The following SHF variants were observed in gnomAD, a reference collection of about 807,000 sequenced individuals.
SHF encodes SH2 domain-containing adapter protein F.
Under a neutral mutation model 42.4 loss-of-function variants are expected in SHF, and 30 were observed. The ratio of observed to expected loss-of-function variants is 0.71; its 90% CI spans 0.53 to 0.96. The LOEUF is 0.96. SHF is among the 40% of genes least tolerant of loss of function. The pLI, the probability that SHF is intolerant of heterozygous loss-of-function variation, is 0.00. For missense variants in SHF, 598 were observed against 634.0 expected (o/e 0.94, Z 0.61); for synonymous variants, 264 against 269.9 (o/e 0.98, Z 0.21).
intron 4 of SHF, 44 bp downstream of exon 4, chr15:45,173,532 G>A: frequency 6.9e-7 from 1 of 1,449,874 alleles, no homozygotes; most frequent in Non-Finnish European, 9.1e-7. Flanking sequence ...GGGCCTGGAG[G>A]GGTGAGGACA....
At chr15:45,194,874 G>A (rs1001012119) in intron 2 of SHF, among the ~76,000 whole-genome samples, 6 of 152,090 alleles carry the variant, frequency 3.9e-5, no homozygotes, top group African/African-American at 1.4e-4. Flanking sequence ...CTGTCTTCCA[G>A]GCTGAGTACA....
chr15:45,197,683 C>T (rs1243399655), intron 2 of SHF, among the ~76,000 whole-genome samples: 1 of 152,166 alleles, frequency 6.6e-6, no homozygotes, highest in East Asian at 1.9e-4. Context: ...AGCCTGGAGT[C>T]AGGGCCTGGG....
At chr15:45,189,192 CAAAA>C (rs1166122506), upstream of SHF, among the ~76,000 whole-genome samples, 1 of 58,554 alleles carries the variant, frequency 1.7e-5, no homozygotes, top group Non-Finnish European at 3.4e-5. Context: ...GACTCCGTCT[CAAAA>C]AAAAAAAAAA....
chr15:45,187,995 G>C, upstream of SHF: 1 of 658,744 alleles, frequency 1.5e-6, no homozygotes, highest in Non-Finnish European at 2.1e-6. Flanking sequence ...GGCGGGTGGG[G>C]GGCGGGGGCG....
At chr15:45,169,053 T>C (rs1457812425) in intron 6 of SHF, among the ~76,000 whole-genome samples, 1 of 152,180 alleles carries the variant, frequency 6.6e-6, no homozygotes, top group Non-Finnish European at 1.5e-5. Flanking sequence ...GAGGAATGTT[T>C]TGGGGAGCCC....
intron 2 of SHF, chr15:45,198,626 C>T (rs1898954886): frequency 1.5e-5 from 15 of 1,020,230 alleles, no homozygotes; most frequent in South Asian, 4.4e-5. Context: ...CGGATTCGAA[C>T]CGAGGTTGCT....
chr15:45,189,747 G>GA (rs1898657636), upstream of SHF, among the ~76,000 whole-genome samples: 1 of 131,582 alleles, frequency 7.6e-6, no homozygotes, highest in African/African-American at 2.5e-5. Context: ...GGAGTTCAAA[G>GA]CGGGGGGTGT....
At position 45,171,864 on chromosome 15, in the gene SHF, C is replaced by A; in HGVS notation, c.1280+19G>T. On this transcript the variant is annotated intron_variant, in intron 6 of 6. Coordinates refer to ENST00000690270, the MANE Select transcript of SHF (RefSeq NM_001394037.1). Reference sequence around the variant, plus strand: ...CCACCCTGCTTGCTGTCCCTGAAACCACAACTGTCCCCACTCACTTGAGGG... The same window carrying A: ...CCACCCTGCTTGCTGTCCCTGAAACAACAACTGTCCCCACTCACTTGAGGG... The A allele has an allele frequency of 6.2e-7, 1 of 1,609,452 alleles. No homozygotes were observed. Among genetic ancestry groups the A allele is most frequent in the Non-Finnish European group, 8.5e-7 (1 of 1,177,470 alleles).
In SHF at chr15:45,180,562, C is replaced by G. The variant is rs531816530; in HGVS notation, c.499-2256G>C. On this transcript the variant is annotated intron_variant, in intron 1 of 6. Coordinates refer to ENST00000690270, the MANE Select transcript of SHF (RefSeq NM_001394037.1). Reference sequence around the variant, plus strand: ...AAGCTTCCACTTTCCTCTTTAGTTTCTCTCTACTCACCTTGGATCACTTTG... The same window carrying G: ...AAGCTTCCACTTTCCTCTTTAGTTTGTCTCTACTCACCTTGGATCACTTTG... 5.3e-5 allele frequency among the ~76,000 whole-genome samples: 8 copies of G among 152,350 alleles called. No individual in the cohort carries two copies. In the South Asian group the frequency reaches 1.7e-3, roughly 32 times the overall value.
intron 2 of SHF, among the ~76,000 whole-genome samples, chr15:45,196,316 A>AT (rs1472824226): frequency 2.6e-5 from 4 of 151,934 alleles, no homozygotes; most frequent in African/African-American, 7.3e-5. Flanking sequence ...CTGGTCTCGA[A>AT]CTCCTGACCT....
intron 1 of SHF, 104 bp downstream of exon 1, chr15:45,187,350 T>G: frequency 8.8e-7 from 1 of 1,131,774 alleles, no homozygotes; most frequent in East Asian, 3.2e-5. Context: ...TGCCAGAAGC[T>G]GAGACACCGA....
chr15:45,172,804 G>A (rs150470731), intron 4 of SHF, among the ~76,000 whole-genome samples: 8 of 152,052 alleles, frequency 5.3e-5, no homozygotes, highest in Middle Eastern at 3.4e-3. Flanking sequence ...GGCTAATCCC[G>A]CCCAAAGCCA....
intron 4 of SHF, among the ~76,000 whole-genome samples, 189 bp from the exon 5 acceptor site, chr15:45,172,507 G>A (rs985898512): frequency 1.3e-5 from 2 of 152,184 alleles, no homozygotes; most frequent in African/African-American, 2.4e-5. Context: ...ATCCCCTGGT[G>A]GGGGTGGGCC....
At position 45,172,010 on chromosome 15, in the gene SHF, T is replaced by G; in HGVS notation, c.1161-8A>C. On this transcript the variant is annotated splice_region_variant and splice_polypyrimidine_tract_variant and intron_variant, in intron 5 of 6. Transcript: ENST00000690270. ...ATGGCCCCGTGATACCAGCTAAGGA[T>G]GAGAGAGAGGAAGGGGGGCATCTCT... 6.2e-7 allele frequency: 1 copy of G among 1,613,802 alleles called. No homozygotes were observed. Among genetic ancestry groups the G allele is most frequent in the East Asian group, 2.2e-5 (1 of 44,878 alleles).
chr15:45,170,587 C>T, intron 6 of SHF: 2 of 426,424 alleles, frequency 4.7e-6, no homozygotes, highest in Non-Finnish European at 8.0e-6. Flanking sequence ...TGTATCAAAT[C>T]CAAGAATAGA....
chr15:45,200,410 C>CA lies in SHF; in HGVS notation c.-47+316dup, dbSNP rs142112621. ...TCCCCTTGCCGTGCCATTGTCCTCA[C>CA]AATGCCGTGACTCGGATTCGAACCG... On this transcript the variant is annotated intron_variant, in intron 1 of 7. Coordinates refer to the SHF transcript ENST00000290894. The CA allele has an allele frequency of 6.3e-3, 1,457 of 230,000 alleles. 12 individuals carry two copies. The highest frequency in any genetic ancestry group is 9.0e-3 in the Non-Finnish European group (987 of 110,262). The allele number at this position is 230,000 out of a possible 1,614,324, so 14.2% of individuals were successfully genotyped here. A position where few individuals can be genotyped will look rare whatever the true frequency, so the allele number is the denominator to read the frequency against.
chr15:45,188,399 GA>G (rs1411726430), upstream of SHF, among the ~76,000 whole-genome samples: 1 of 152,138 alleles, frequency 6.6e-6, no homozygotes, highest in Non-Finnish European at 1.5e-5. Flanking sequence ...AATCTAGGAG[GA>G]AAATCTAGGC....
intron 4 of SHF, among the ~76,000 whole-genome samples, chr15:45,172,845 C>A (rs117615259): frequency 6.6e-6 from 1 of 151,366 alleles, no homozygotes; most frequent in Non-Finnish European, 1.5e-5. Flanking sequence ...CGACCCCCAA[C>A]GTTGCTGCCC....
chr15:45,175,106 G>A, intron 3 of SHF, 113 bp downstream of exon 3: 2 of 1,165,540 alleles, frequency 1.7e-6, no homozygotes, highest in Non-Finnish European at 2.4e-6. Context: ...ACATTTCCCT[G>A]GAGTCCTGAT....
Sources: allele counts gnomAD v4.1 joint callset (sites outside exome capture counted in the v4.1 genomes callset), GRCh38; gene constraint gnomAD v4.1.1; transcripts MANE v1.5; gene names NCBI Gene and HGNC (gene_info 2026-07-23, HGNC 2026-07-21).